Variants in PIP4K2A observed in about 807,000 individuals in gnomAD.
PIP4K2A encodes the protein phosphatidylinositol-5-phosphate 4-kinase type 2 alpha, also known as phosphatidylinositol 5-phosphate 4-kinase type-2 alpha.
PIP4K2A carries 14 observed loss-of-function variants against 42.9 expected under a neutral mutation model. That is an observed-to-expected ratio of 0.33 (90% confidence interval 0.22 to 0.51). PIP4K2A has a LOEUF of 0.51. PIP4K2A is among the 20% of genes least tolerant of loss of function. The pLI is 0.97. For synonymous variants in PIP4K2A, 192 were observed against 192.2 expected, an observed-to-expected ratio of 1.00 and a Z score of 0.01; for missense variants, 434 against 519.8, an observed-to-expected ratio of 0.83 and a Z score of 1.61.
chr10:22,613,727 G>A (rs1026491332), intron 1 of PIP4K2A, among the ~76,000 whole-genome samples: 1 of 152,162 alleles, frequency 6.6e-6, no homozygotes, highest in Non-Finnish European at 1.5e-5. Context: ...GATGGTTCAC[G>A]TACAGGAACC....
intron 3 of PIP4K2A, among the ~76,000 whole-genome samples, chr10:22,603,389 G>A (rs1377741218): frequency 2.0e-5 from 3 of 152,122 alleles, no homozygotes; most frequent in African/African-American, 4.8e-5. Context: ...TGAAGCCTCC[G>A]TTTGACTTCC....
At chr10:22,554,632 C>T (rs984166152) in intron 6 of PIP4K2A, among the ~76,000 whole-genome samples, 2 of 152,256 alleles carry the variant, frequency 1.3e-5, no homozygotes, top group Admixed American at 6.5e-5. Context: ...TTCCAGCCAG[C>T]GGTCAGCAAC....
intron 1 of PIP4K2A, among the ~76,000 whole-genome samples, chr10:22,673,798 A>G (rs990772789): frequency 1.3e-5 from 2 of 152,206 alleles, no homozygotes; most frequent in African/African-American, 4.8e-5. Flanking sequence ...TAGAGAGAAT[A>G]AAAAGGGATA....
intron 1 of PIP4K2A, among the ~76,000 whole-genome samples, chr10:22,688,984 A>T (rs1839811012): frequency 6.6e-6 from 1 of 152,252 alleles, no homozygotes. Context: ...AATTAGATTC[A>T]TGCAAGGAAT....
At chr10:22,672,418 G>T (rs1021330136) in intron 1 of PIP4K2A, among the ~76,000 whole-genome samples, 4 of 152,312 alleles carry the variant, frequency 2.6e-5, no homozygotes, top group Non-Finnish European at 5.9e-5. Context: ...TTTGTCTATA[G>T]TGATTTAATC....
chr10:22,661,159 A>C (rs1209283133), intron 1 of PIP4K2A, among the ~76,000 whole-genome samples: 1 of 152,234 alleles, frequency 6.6e-6, no homozygotes, highest in Non-Finnish European at 1.5e-5. Context: ...CAAATGTTTT[A>C]ACTTAGACCA....
At chr10:22,537,747 C>T (rs770201358) in intron 9 of PIP4K2A, among the ~76,000 whole-genome samples, 5 of 152,212 alleles carry the variant, frequency 3.3e-5, no homozygotes, top group Non-Finnish European at 2.9e-5. Flanking sequence ...AGGACCCCTT[C>T]GTTTCTGGAC....
Position 22,541,823 on chromosome 10 carries a change from A to G in PIP4K2A, c.1017T>C (p.Tyr339=). 6.4e-7 allele frequency: 1 copy of G among 1,560,460 alleles called. No individual in the cohort carries two copies. The highest frequency in any genetic ancestry group is 8.7e-7 in the Non-Finnish European group (1 of 1,155,504). The change falls in exon 8 of 10, where the codon TAT becomes TAC. Residue 339 remains tyrosine, a synonymous_variant. Transcript: ENST00000376573. ...ACTTACTTTCATGGCACTTAATTCC[A>G]TAGACGTCGATGTTCGGATCGAACT... ...PGEFDPNIDV[Y]GIKCHENSPR...
chr10:22,659,541 G>A (rs1267333220), intron 1 of PIP4K2A: 3 of 152,300 alleles, frequency 2.0e-5, no homozygotes, highest in African/African-American at 7.2e-5. Context: ...GAGTTGAGAG[G>A]AGGACGGTAG....
intron 1 of PIP4K2A, among the ~76,000 whole-genome samples, chr10:22,610,155 C>T (rs563074624): frequency 6.6e-6 from 1 of 152,304 alleles, no homozygotes; most frequent in African/African-American, 2.4e-5. Flanking sequence ...ATATATTGAA[C>T]TCATCTGTGT....
chr10:22,676,318 A>G (rs917278127), intron 1 of PIP4K2A, among the ~76,000 whole-genome samples: 16 of 152,214 alleles, frequency 1.1e-4, no homozygotes, highest in Admixed American at 7.9e-4. Context: ...CAGTACCTAC[A>G]GAAGTTGTTC....
chr10:22,673,809 C>A (rs771533695), intron 1 of PIP4K2A, among the ~76,000 whole-genome samples: 2 of 152,214 alleles, frequency 1.3e-5, no homozygotes, highest in South Asian at 2.1e-4. Context: ...AAAAGGGATA[C>A]TATTTTTATT....
At chr10:22,595,944 G>A (rs1421333243) in intron 3 of PIP4K2A, among the ~76,000 whole-genome samples, 17 of 152,050 alleles carry the variant, frequency 1.1e-4, no homozygotes, top group Admixed American at 5.2e-4. Context: ...AGTGGGGCAC[G>A]CCTGTAATCC....
intron 1 of PIP4K2A, among the ~76,000 whole-genome samples, chr10:22,689,821 G>A (rs1839827423): frequency 6.6e-6 from 1 of 152,188 alleles, no homozygotes; most frequent in African/African-American, 2.4e-5. Flanking sequence ...CAAACTGATG[G>A]TTGTTGCCAC....
chr10:22,623,425 C>A (rs745802017), intron 1 of PIP4K2A, among the ~76,000 whole-genome samples: 3 of 152,190 alleles, frequency 2.0e-5, no homozygotes, highest in Non-Finnish European at 4.4e-5. Flanking sequence ...TCGCAAGGGT[C>A]TTCCACAAGG....
intron 8 of PIP4K2A, 121 bp downstream of exon 8, chr10:22,541,683 G>T: frequency 1.8e-6 from 2 of 1,142,568 alleles, no homozygotes; most frequent in Non-Finnish European, 2.4e-6. Flanking sequence ...TTTCTTTGGA[G>T]TTTGGAGGAT....
At chr10:22,616,844 C>T (rs779348408) in intron 1 of PIP4K2A, among the ~76,000 whole-genome samples, 1 of 152,168 alleles carries the variant, frequency 6.6e-6, no homozygotes, top group Non-Finnish European at 1.5e-5. Flanking sequence ...GAAAAGTTGT[C>T]ATCTAACATT....
chr10:22,565,034 G>A (rs1836808876), intron 6 of PIP4K2A, among the ~76,000 whole-genome samples: 8 of 152,178 alleles, frequency 5.3e-5, no homozygotes, highest in Admixed American at 5.2e-4. Flanking sequence ...TTGGCAGAGT[G>A]TGTACTCATC....
At chr10:22,598,585 T>C (rs553820057) in intron 3 of PIP4K2A, among the ~76,000 whole-genome samples, 43 of 152,294 alleles carry the variant, frequency 2.8e-4, no homozygotes, top group African/African-American at 8.9e-4. Flanking sequence ...GCAAAGGACA[T>C]AGATGACGAC....
Sources: allele counts gnomAD v4.1 joint callset (sites outside exome capture counted in the v4.1 genomes callset), GRCh38; gene constraint gnomAD v4.1.1; transcripts MANE v1.5; gene names NCBI Gene and HGNC (gene_info 2026-07-23, HGNC 2026-07-21).